Variants in RBMS3 observed in about 807,000 individuals in gnomAD.
The protein encoded by RBMS3 is RNA-binding motif, single-stranded-interacting protein 3.
A neutral mutation model predicts 66.8 loss-of-function variants in RBMS3; 27 were observed. The ratio of observed to expected loss-of-function variants is 0.40; its 90% confidence interval spans 0.30 to 0.56. The LOEUF (loss-of-function observed/expected upper bound fraction) is 0.56, where lower values mean the gene tolerates loss of function less well. Ranked by LOEUF, RBMS3 falls within the 20% of genes least tolerant of loss-of-function variation. The pLI is 0.40. For missense variants in RBMS3, 513 were observed against 549.5 expected (o/e 0.93, Z 0.66); for synonymous variants, 188 against 183.0 (o/e 1.03, Z -0.22).
At chr3:29,837,677 T>TATAC (rs2058554940) in intron 6 of RBMS3, among the ~76,000 whole-genome samples, 1 of 74,516 alleles carries the variant, frequency 1.3e-5, no homozygotes, top group Non-Finnish European at 2.8e-5. Context: ...TATATATATA[T>TATAC]ATATATATAT....
chr3:29,691,356 T>G (rs977002578), intron 4 of RBMS3, among the ~76,000 whole-genome samples: 1 of 152,218 alleles, frequency 6.6e-6, no homozygotes, highest in Non-Finnish European at 1.5e-5. Context: ...ACCCTTGACC[T>G]GAGGAATAAC....
At chr3:29,470,799 T>G (rs112921807) in intron 2 of RBMS3, among the ~76,000 whole-genome samples, 5 of 152,042 alleles carry the variant, frequency 3.3e-5, no homozygotes, top group African/African-American at 1.2e-4. Context: ...TTCCTGACAT[T>G]TTTTGGTATT....
At chr3:29,956,877 A>G (rs753726923) in intron 12 of RBMS3, among the ~76,000 whole-genome samples, 1 of 152,046 alleles carries the variant, frequency 6.6e-6, no homozygotes, top group African/African-American at 2.4e-5. Flanking sequence ...AAGGCCCTTC[A>G]TGATCCTGAT....
chr3:29,724,790 A>G (rs1456059015), intron 4 of RBMS3, among the ~76,000 whole-genome samples: 1 of 152,176 alleles, frequency 6.6e-6, no homozygotes, highest in Non-Finnish European at 1.5e-5. Context: ...AAGGGCTATA[A>G]GAGTTAGGGG....
In RBMS3 at chr3:29,758,694, G is replaced by A. The variant is rs76382783; in HGVS notation, c.558-4216G>A. Among the ~76,000 whole-genome samples the A allele has an allele frequency of 2.1e-3, 322 of 152,260 alleles. 2 individuals carry two copies. The highest frequency in any genetic ancestry group is 7.4e-3 in the African/African-American group (308 of 41,554). On this transcript the variant is annotated intron_variant, in intron 5 of 14. Coordinates refer to ENST00000383767, the MANE Select transcript of RBMS3 (RefSeq NM_001003793.3). Reference sequence around the variant, plus strand: ...AAATTCATCGCATTCATTCATCTTTGTTTCTGGAACTCACTATTTTATTCC... The same window carrying A: ...AAATTCATCGCATTCATTCATCTTTATTTCTGGAACTCACTATTTTATTCC...
intron 1 of RBMS3, among the ~76,000 whole-genome samples, chr3:29,425,384 A>G (rs1023951551): frequency 4.6e-5 from 7 of 151,692 alleles, no homozygotes; most frequent in Admixed American, 3.9e-4. Flanking sequence ...AAAAAAAGCT[A>G]GGGGAATTTT....
At chr3:29,615,377 A>G (rs1373461979) in intron 4 of RBMS3, 1 of 152,080 alleles carries the variant, frequency 6.6e-6, no homozygotes, top group Non-Finnish European at 1.5e-5. Flanking sequence ...AACTTTCCTC[A>G]TATTAATAGG....
intron 4 of RBMS3, among the ~76,000 whole-genome samples, chr3:29,612,061 G>A (rs2149134976): frequency 6.6e-6 from 1 of 152,064 alleles, no homozygotes; most frequent in African/African-American, 2.4e-5. Context: ...TTGTAATGAA[G>A]AAAATTATAA....
chr3:29,874,177 C>T (rs1016881318), intron 7 of RBMS3, among the ~76,000 whole-genome samples: 4 of 152,082 alleles, frequency 2.6e-5, no homozygotes, highest in African/African-American at 9.7e-5. Context: ...TCTGGGAACA[C>T]AACATTTCTA....
chr3:29,822,064 A>G (rs1016540552), intron 6 of RBMS3, among the ~76,000 whole-genome samples: 1 of 152,184 alleles, frequency 6.6e-6, no homozygotes, highest in Non-Finnish European at 1.5e-5. Context: ...TAATTTTTCA[A>G]ACTGCACAAG....
At chr3:29,470,211 C>T (rs995733629) in intron 2 of RBMS3, among the ~76,000 whole-genome samples, 1 of 151,706 alleles carries the variant, frequency 6.6e-6, no homozygotes, top group African/African-American at 2.4e-5. Context: ...GCGGAAAATG[C>T]ATGTTTTAAG....
chr3:29,936,036 C>T, intron 10 of RBMS3, 50 bp from the exon 11 acceptor site: 2 of 1,444,560 alleles, frequency 1.4e-6, no homozygotes, highest in Non-Finnish European at 1.9e-6. Flanking sequence ...TGTAAGAAGT[C>T]TCCTTCCTTG....
At chr3:29,656,284 C>T (rs1239568324) in intron 4 of RBMS3, among the ~76,000 whole-genome samples, 1 of 152,116 alleles carries the variant, frequency 6.6e-6, no homozygotes, top group Non-Finnish European at 1.5e-5. Context: ...TACATCATTT[C>T]AAAATCTTTT....
intron 1 of RBMS3, among the ~76,000 whole-genome samples, chr3:29,392,109 G>A (rs892496461): frequency 6.6e-6 from 1 of 152,064 alleles, no homozygotes; most frequent in South Asian, 2.1e-4. Flanking sequence ...ACTGAGCCAG[G>A]CATGGTGGCA....
At chr3:29,406,196 T>C (rs6549940) in intron 1 of RBMS3, among the ~76,000 whole-genome samples, 123,596 of 152,138 alleles carry the variant, frequency 0.81, 50,657 homozygotes, top group East Asian at 0.97. Flanking sequence ...ATGTGTTAAA[T>C]GGTTGTGGCT....
chr3:29,928,946 CT>C (rs2061030986), intron 10 of RBMS3, among the ~76,000 whole-genome samples: 1 of 152,182 alleles, frequency 6.6e-6, no homozygotes, highest in Non-Finnish European at 1.5e-5. Flanking sequence ...CAAGTTCACC[CT>C]TTGTCATTGA....
intron 4 of RBMS3, among the ~76,000 whole-genome samples, chr3:29,595,309 G>A (rs893120000): frequency 4.7e-5 from 7 of 148,778 alleles, no homozygotes; most frequent in African/African-American, 7.5e-5. Context: ...TGAGGCAGGA[G>A]AATCACTTCA....
At chr3:29,474,901 T>A (rs553754815) in intron 2 of RBMS3, among the ~76,000 whole-genome samples, 1 of 152,262 alleles carries the variant, frequency 6.6e-6, no homozygotes, top group South Asian at 2.1e-4. Context: ...TTGGTTGTAT[T>A]TAAGGGTTCA....
chr3:29,727,485 T>C (rs561898498), intron 4 of RBMS3, among the ~76,000 whole-genome samples: 21 of 152,052 alleles, frequency 1.4e-4, no homozygotes, highest in African/African-American at 5.1e-4. Context: ...AGGTCTAATA[T>C]CCAGAATGTA....
Sources: gnomAD v4.1 joint callset for allele counts (sites outside exome capture counted in the v4.1 genomes callset) on GRCh38, gnomAD v4.1.1 for gene constraint, MANE v1.5 for transcripts, NCBI Gene and HGNC (gene_info 2026-07-23, HGNC 2026-07-21) for gene names.